CDH23: variants seen among roughly 807,000 people sequenced by gnomAD.
CDH23 encodes cadherin related 23, also known as cadherin-23.
A neutral mutation model predicts 317.1 loss-of-function variants in CDH23; 189 were observed. That is an observed-to-expected ratio of 0.60 (90% CI 0.53 to 0.67). The LOEUF (loss-of-function observed/expected upper bound fraction) is 0.67. CDH23 is among the 30% of genes least tolerant of loss of function. The pLI is 0.00. For missense variants in CDH23, 4,401 were observed against 4,592.4 expected, an observed-to-expected ratio of 0.96 and a Z score of 1.20; for synonymous variants, 1,839 against 1,876.8, an observed-to-expected ratio of 0.98 and a Z score of 0.52.
At chr10:71,769,488 A>T (rs1256717667) in intron 38 of CDH23, among the ~76,000 whole-genome samples, 3 of 152,232 alleles carry the variant, frequency 2.0e-5, no homozygotes, top group Non-Finnish European at 2.9e-5. Context: ...AGATTTAAAG[A>T]AAAAAATAAG....
At position 71,572,993 on chromosome 10, in the gene CDH23, C is replaced by T. The variant is rs112746222; in HGVS notation, c.753+2075C>T. Among the ~76,000 whole-genome samples the T allele has an allele frequency of 5.9e-3, 900 of 152,292 alleles. 9 individuals are homozygous for T. The highest frequency in any genetic ancestry group is 0.011 in the Non-Finnish European group (734 of 68,032). ...GGCAGCCAGAGGAGCTCAGAGGAGT[C>T]CCGCACTGCCGTACTCACTTTGGCT... On this transcript the variant is annotated intron_variant, in intron 8 of 69. Coordinates refer to ENST00000224721, the MANE Select transcript of CDH23 (RefSeq NM_022124.6).
At chr10:71,405,010 A>T (rs963757129) in intron 1 of CDH23, among the ~76,000 whole-genome samples, 12 of 152,176 alleles carry the variant, frequency 7.9e-5, no homozygotes, top group South Asian at 2.1e-4. Context: ...GTGGGAGGGC[A>T]GAAAGGGAAA....
chr10:71,628,793 C>T (rs550010067), intron 11 of CDH23, among the ~76,000 whole-genome samples: 20 of 152,200 alleles, frequency 1.3e-4, no homozygotes, highest in South Asian at 2.1e-4. Context: ...CCACCACATC[C>T]GGCCTGAGAT....
chr10:71,752,923 C>G, intron 38 of CDH23: 2 of 1,599,974 alleles, frequency 1.3e-6, no homozygotes, highest in Non-Finnish European at 1.7e-6. Flanking sequence ...AGTATCTCTT[C>G]CTGGATAGCC....
chr10:71,751,608 G>T lies in CDH23; in HGVS notation c.4845+9687G>T. 1 of 1,483,122 alleles carries T rather than the reference G, an allele frequency of 6.7e-7. No homozygotes were observed. The highest frequency in any genetic ancestry group is 1.4e-5 in the African/African-American group (1 of 70,994). 91.9% of individuals were successfully genotyped at this position (1,483,122 alleles called of 1,614,324 possible). A position where few individuals can be genotyped will look rare whatever the true frequency, so the allele number is the denominator to read the frequency against. On this transcript the variant is annotated intron_variant, in intron 38 of 69. Coordinates refer to ENST00000224721, the MANE Select transcript of CDH23 (RefSeq NM_022124.6). This position sits in a 1 kb window ranked among gnomAD's most constrained non-coding sequence, Gnocchi z 4.9. ...GGGCAGGGAGTGAGGCCGATGCCCTGCAGGCCATGAGGTCATGACCTTACA... is the reference window on the plus strand; with the variant it reads ...GGGCAGGGAGTGAGGCCGATGCCCTTCAGGCCATGAGGTCATGACCTTACA...
At chr10:71,508,646 A>G (rs972858191) in intron 3 of CDH23, among the ~76,000 whole-genome samples, 1 of 152,110 alleles carries the variant, frequency 6.6e-6, no homozygotes, top group African/African-American at 2.4e-5. Context: ...TTTCAGAGCT[A>G]TTTGGTAAAT....
At chr10:71,777,300 G>A (rs1052823456) in intron 38 of CDH23, among the ~76,000 whole-genome samples, 8 of 152,208 alleles carry the variant, frequency 5.3e-5, no homozygotes, top group Non-Finnish European at 1.2e-4. Context: ...ACAGGCCCTC[G>A]TAAAGCTCTG....
intron 3 of CDH23, among the ~76,000 whole-genome samples, chr10:71,503,036 C>T (rs542984109): frequency 1.3e-5 from 2 of 152,334 alleles, no homozygotes; most frequent in Admixed American, 6.5e-5. Flanking sequence ...AGAGTAATAA[C>T]AGTCATCTCA....
At chr10:71,622,852 C>A in intron 11 of CDH23, 1 of 801,826 alleles carries the variant, frequency 1.2e-6, no homozygotes, top group Non-Finnish European at 1.5e-6. Context: ...CACTCTCTTC[C>A]CCACCCCAGA....
intron 6 of CDH23, among the ~76,000 whole-genome samples, chr10:71,534,148 C>T (rs1176785248): frequency 1.3e-5 from 2 of 152,138 alleles, no homozygotes; most frequent in East Asian, 3.8e-4. Context: ...ATGATTGTCC[C>T]CAGATCCCAC....
Position 71,505,643 on chromosome 10 carries a change from G to C in CDH23, c.146-4439G>C, listed in dbSNP as rs78306112. Among the ~76,000 whole-genome samples, 175 of 152,296 alleles carry C rather than the reference G, an allele frequency of 1.1e-3. 1 individual carries two copies. The East Asian group carries it at 0.028, about 25-fold the overall frequency. On this transcript the variant is annotated intron_variant, in intron 3 of 69. Coordinates refer to ENST00000224721, the MANE Select transcript of CDH23 (RefSeq NM_022124.6). The stretch of plus-strand genomic sequence containing the variant: ...GGAAATGTGTGTGCTGAGGGACAGA[G>C]GGCAGGGTACCAATAGCGTCTGCTG...
chr10:71,760,012 C>T (rs1431743400), intron 38 of CDH23, among the ~76,000 whole-genome samples: 1 of 105,554 alleles, frequency 9.5e-6, no homozygotes, highest in Non-Finnish European at 2.1e-5. Flanking sequence ...CATATATATA[C>T]ACACACACAT....
chr10:71,788,991 C>A lies in CDH23; in HGVS notation c.5872C>A (p.Leu1958Ile). The change falls in exon 45 of 70, where the codon CTC (leucine) becomes ATC (isoleucine). Residue 1958 changes from leucine to isoleucine, a missense_variant. Around this residue, in one of 3 missense-constraint regions of CDH23, gnomAD observed 3,068 missense variants for 3,203.3 expected, o/e 0.96. Transcript: ENST00000224721. ...FLSDENDNHP[L>I]FTKSTYQAEV... is the part of the protein sequence containing the mutation. ...TTCTGATGAGAATGACAACCACCCC[C>A]TCTTCACTAAAAGCACCTACCAGGC... 1 of 1,606,970 alleles carries A rather than the reference C, an allele frequency of 6.2e-7. No homozygotes were observed. Among genetic ancestry groups the A allele is most frequent in the Non-Finnish European group, 8.5e-7 (1 of 1,173,506 alleles).
intron 14 of CDH23, among the ~76,000 whole-genome samples, chr10:71,648,601 G>A (rs1419678925): frequency 6.6e-6 from 1 of 152,172 alleles, no homozygotes; most frequent in Non-Finnish European, 1.5e-5. Flanking sequence ...TATGAGAAGG[G>A]GCATCCCTTG....
chr10:71,419,710 T>A (rs2131943729), intron 1 of CDH23, among the ~76,000 whole-genome samples: 1 of 152,348 alleles, frequency 6.6e-6, no homozygotes, highest in African/African-American at 2.4e-5. Context: ...GACCATTGTT[T>A]TGGATGCATT....
chr10:71,618,630 C>T (rs1221639824), intron 11 of CDH23, among the ~76,000 whole-genome samples: 2 of 152,218 alleles, frequency 1.3e-5, no homozygotes. Context: ...TTGCTCCAGG[C>T]TGGGCTTCCT....
chr10:71,558,491 T>C (rs1485376300), intron 6 of CDH23, among the ~76,000 whole-genome samples: 1 of 152,266 alleles, frequency 6.6e-6, no homozygotes, highest in African/African-American at 2.4e-5. Context: ...TCTTGGAATA[T>C]TCTTTTTCCA....
At chr10:71,563,525 C>G (rs769402856) in intron 6 of CDH23, among the ~76,000 whole-genome samples, 1 of 152,164 alleles carries the variant, frequency 6.6e-6, no homozygotes, top group Non-Finnish European at 1.5e-5. Flanking sequence ...CCATTTGTCC[C>G]AAGTTCATGG....
chr10:71,651,023 A>G (rs1863142985), intron 14 of CDH23, among the ~76,000 whole-genome samples: 1 of 152,226 alleles, frequency 6.6e-6, no homozygotes, highest in Non-Finnish European at 1.5e-5. Flanking sequence ...TGGTGATGTG[A>G]GTCTTGTACT....
Sources: allele counts gnomAD v4.1 joint callset (sites outside exome capture counted in the v4.1 genomes callset), GRCh38; gene constraint gnomAD v4.1.1; regional missense constraint gnomAD v4.1.1; non-coding constraint Gnocchi (gnomAD v3.1); transcripts MANE v1.5; gene names NCBI Gene and HGNC (gene_info 2026-07-23, HGNC 2026-07-21).